Variants in SEMA3A observed in about 807,000 individuals in gnomAD.
The protein encoded by SEMA3A is semaphorin-3A.
Under a neutral mutation model 97.9 loss-of-function variants are expected in SEMA3A, and 29 were observed. That is an observed-to-expected ratio of 0.30 (90% CI 0.22 to 0.40). The LOEUF is 0.40. Ranked by LOEUF, SEMA3A falls within the 10% of genes least tolerant of loss-of-function variation. SEMA3A has a pLI of 1.00. For synonymous variants in SEMA3A, 321 were observed against 323.7 expected, an observed-to-expected ratio of 0.99 and a Z score of 0.09; for missense variants, 763 against 951.3, an observed-to-expected ratio of 0.80 and a Z score of 2.60.
chr7:84,195,704 C>T (rs1798209845), upstream of SEMA3A, among the ~76,000 whole-genome samples: 1 of 152,170 alleles, frequency 6.6e-6, no homozygotes, highest in Admixed American at 6.5e-5. Context: ...CTATGGTTTT[C>T]CAGCTTCTGG....
chr7:84,083,610 G>A (rs1049719810), intron 4 of SEMA3A, among the ~76,000 whole-genome samples: 5 of 151,578 alleles, frequency 3.3e-5, no homozygotes, highest in Non-Finnish European at 5.9e-5. Context: ...TCTACCTCCC[G>A]ACTATTCTTC....
At chr7:84,307,038 T>TA (rs1801176295) in intron 3 of SEMA3A, among the ~76,000 whole-genome samples, 1 of 151,882 alleles carries the variant, frequency 6.6e-6, no homozygotes, top group Non-Finnish European at 1.5e-5. Flanking sequence ...GTTGGAGCCC[T>TA]CTCATCTACC....
intron 2 of SEMA3A, among the ~76,000 whole-genome samples, chr7:84,318,492 T>G (rs547669943): frequency 6.6e-6 from 1 of 151,530 alleles, no homozygotes; most frequent in African/African-American, 2.4e-5. Context: ...CCGGCTAATT[T>G]TTTGTATTTT....
chr7:84,423,764 G>A (rs565478271), intron 1 of SEMA3A, among the ~76,000 whole-genome samples: 18 of 151,364 alleles, frequency 1.2e-4, no homozygotes, highest in African/African-American at 4.4e-4. Flanking sequence ...TCCAACGAAG[G>A]AATAACATCC....
intron 3 of SEMA3A, among the ~76,000 whole-genome samples, chr7:84,250,732 T>C (rs1799588114): frequency 6.6e-6 from 1 of 152,232 alleles, no homozygotes; most frequent in Non-Finnish European, 1.5e-5. Flanking sequence ...CATAATTCAA[T>C]ATAAATTGAC....
intron 3 of SEMA3A, among the ~76,000 whole-genome samples, chr7:84,303,077 G>A (rs780234678): frequency 2.6e-5 from 4 of 152,202 alleles, no homozygotes; most frequent in Non-Finnish European, 5.9e-5. Context: ...ATGCAATGAA[G>A]TTTTTCAAAG....
chr7:84,387,342 T>C (rs1228878), intron 1 of SEMA3A, among the ~76,000 whole-genome samples: 2 of 152,170 alleles, frequency 1.3e-5, no homozygotes, highest in Middle Eastern at 3.4e-3. Context: ...TCAAATTTAA[T>C]TGGGTTTCCT....
intron 4 of SEMA3A, among the ~76,000 whole-genome samples, chr7:84,098,081 A>G (rs1015682125): frequency 6.6e-6 from 1 of 152,060 alleles, no homozygotes; most frequent in African/African-American, 2.4e-5. Context: ...TCTGATATTT[A>G]ATAATAATTT....
At chr7:84,301,776 G>A (rs1437171095) in intron 3 of SEMA3A, among the ~76,000 whole-genome samples, 2 of 152,130 alleles carry the variant, frequency 1.3e-5, no homozygotes, top group African/African-American at 2.4e-5. Context: ...TTTGGCTTAA[G>A]TACTATAGTT....
At chr7:84,289,329 A>C (rs1337393136) in intron 3 of SEMA3A, among the ~76,000 whole-genome samples, 6 of 152,084 alleles carry the variant, frequency 3.9e-5, no homozygotes, top group Non-Finnish European at 7.4e-5. Context: ...GTTAACAATA[A>C]TTTACTGTAT....
intron 4 of SEMA3A, among the ~76,000 whole-genome samples, chr7:84,099,325 C>T (rs1794881277): frequency 1.8e-5 from 1 of 55,090 alleles, no homozygotes; most frequent in African/African-American, 3.5e-5. Flanking sequence ...CCGCCTCGGC[C>T]TCCCAAAGTG....
intron 2 of SEMA3A, among the ~76,000 whole-genome samples, chr7:84,347,504 C>G (rs1228762238): frequency 6.6e-6 from 1 of 151,704 alleles, no homozygotes; most frequent in South Asian, 2.1e-4. Context: ...CTCTGCCTCC[C>G]GGGTTCAAGT....
At chr7:84,062,839 G>A (rs546784994) in intron 4 of SEMA3A, among the ~76,000 whole-genome samples, 2 of 138,228 alleles carry the variant, frequency 1.4e-5, no homozygotes, top group Non-Finnish European at 3.0e-5. Flanking sequence ...AGCGAGGCGG[G>A]GGGAGGGGCG....
chr7:84,249,411 C>CTATG (rs1554351603), intron 3 of SEMA3A, among the ~76,000 whole-genome samples: 2 of 151,630 alleles, frequency 1.3e-5, no homozygotes, highest in Non-Finnish European at 2.9e-5. Context: ...ATCTATCTAT[C>CTATG]TATCTATCAT....
intron 3 of SEMA3A, among the ~76,000 whole-genome samples, chr7:84,300,162 AG>A (rs1375619801): frequency 3.3e-5 from 5 of 151,174 alleles, no homozygotes; most frequent in African/African-American, 7.3e-5. Flanking sequence ...AAAATAAAAT[AG>A]AAAAAAAAAC....
rs188289668 is a variant in SEMA3A, at chr7:84,441,729, T to C, written c.-246+50731A>G. 3.1e-4 allele frequency among the ~76,000 whole-genome samples: 47 copies of C among 152,286 alleles called. 1 individual carries two copies. Among genetic ancestry groups the C allele is most frequent in the African/African-American group, 1.1e-3 (44 of 41,576 alleles). The stretch of plus-strand genomic sequence containing the variant: ...GAATTTAAAGAGACACACATGGAGA[T>C]ATATTATAGTTAAACTGTTGAAAAC... On this transcript the variant is annotated intron_variant, in intron 1 of 3. Coordinates refer to the SEMA3A transcript ENST00000424555.
chr7:84,179,496 T>G (rs77105556), intron 1 of SEMA3A, among the ~76,000 whole-genome samples: 1 of 152,158 alleles, frequency 6.6e-6, no homozygotes, highest in African/African-American at 2.4e-5. Context: ...ATTTTCCTCA[T>G]ACTCAATAGC....
At chr7:84,234,774 T>C (rs1034631531) in intron 3 of SEMA3A, among the ~76,000 whole-genome samples, 8 of 152,082 alleles carry the variant, frequency 5.3e-5, no homozygotes, top group Non-Finnish European at 8.8e-5. Flanking sequence ...ATTTTATATA[T>C]CTGTAGATTT....
intron 3 of SEMA3A, among the ~76,000 whole-genome samples, chr7:84,119,844 CATG>C (rs1429452204): frequency 1.3e-5 from 2 of 152,114 alleles, no homozygotes; most frequent in Admixed American, 1.3e-4. Context: ...CTGGTCAAAT[CATG>C]ATAATAAACC....
Sources: gnomAD v4.1 joint callset for allele counts (sites outside exome capture counted in the v4.1 genomes callset) on GRCh38, gnomAD v4.1.1 for gene constraint, MANE v1.5 for transcripts, NCBI Gene and HGNC (gene_info 2026-07-23, HGNC 2026-07-21) for gene names.